Variants in FBXL20 observed in about 807,000 individuals in gnomAD.
FBXL20 encodes F-box and leucine rich repeat protein 20.
In FBXL20, 11 loss-of-function variants were observed where a neutral mutation model predicts 64.0. That is an observed-to-expected ratio of 0.17 (90% CI 0.11 to 0.28). The LOEUF (loss-of-function observed/expected upper bound fraction) is 0.28, where lower values mean the gene tolerates loss of function less well. FBXL20 is among the 10% of genes least tolerant of loss of function. The pLI is 1.00. For missense variants in FBXL20, 303 were observed against 526.2 expected (o/e 0.58, Z 4.15); for synonymous variants, 184 against 189.0 (o/e 0.97, Z 0.22).
chr17:39,297,760 G>A (rs2047099235), intron 5 of FBXL20, among the ~76,000 whole-genome samples: 1 of 152,036 alleles, frequency 6.6e-6, no homozygotes, highest in South Asian at 2.1e-4. Flanking sequence ...TTTTGAGATG[G>A]AATCTCTCTC....
intron 2 of FBXL20, among the ~76,000 whole-genome samples, chr17:39,320,739 T>C (rs1210805535): frequency 6.6e-6 from 1 of 151,962 alleles, no homozygotes; most frequent in Non-Finnish European, 1.5e-5. Context: ...GGACTACAGG[T>C]AAATACAACC....
intron 2 of FBXL20, among the ~76,000 whole-genome samples, chr17:39,313,222 T>C (rs939066547): frequency 2.1e-5 from 3 of 140,668 alleles, no homozygotes; most frequent in Non-Finnish European, 4.6e-5. Flanking sequence ...CGGCCATCTT[T>C]TTGTTTTTTT....
At chr17:39,309,822 A>G (rs2144479940) in intron 2 of FBXL20, among the ~76,000 whole-genome samples, 1 of 151,422 alleles carries the variant, frequency 6.6e-6, no homozygotes, top group African/African-American at 2.4e-5. Flanking sequence ...AAAAATAAAG[A>G]AAAGAGAAAG....
intron 14 of FBXL20, 125 bp from the exon 15 acceptor site, chr17:39,261,692 T>G (rs764101010): frequency 1.5e-6 from 1 of 677,040 alleles, no homozygotes; most frequent in Non-Finnish European, 2.5e-6. Flanking sequence ...TGAGCACTGG[T>G]CAGGATGTTA....
intron 1 of FBXL20, among the ~76,000 whole-genome samples, chr17:39,367,185 TC>T (rs2047868873): frequency 6.6e-6 from 1 of 151,840 alleles, no homozygotes; most frequent in Non-Finnish European, 1.5e-5. Flanking sequence ...GCCCAGCCTA[TC>T]AGTCCTTTCA....
intron 2 of FBXL20, among the ~76,000 whole-genome samples, chr17:39,311,559 T>A (rs1007437315): frequency 6.6e-6 from 1 of 151,678 alleles, no homozygotes; most frequent in African/African-American, 2.4e-5. Context: ...AAATTTTCTA[T>A]CTTCTTCAAT....
At chr17:39,299,928 C>A (rs541608886) in intron 4 of FBXL20, among the ~76,000 whole-genome samples, 1 of 152,078 alleles carries the variant, frequency 6.6e-6, no homozygotes, top group Non-Finnish European at 1.5e-5. Context: ...GAAACCCAAT[C>A]TCTACTAAAA....
At chr17:39,392,402 C>CG (rs1214842955) in intron 1 of FBXL20, among the ~76,000 whole-genome samples, 1 of 144,432 alleles carries the variant, frequency 6.9e-6, no homozygotes, top group East Asian at 2.0e-4. Flanking sequence ...ATCACACCAC[C>CG]GAATCCCAGC....
chr17:39,366,197 T>C (rs1030318734), intron 1 of FBXL20, among the ~76,000 whole-genome samples: 1 of 152,158 alleles, frequency 6.6e-6, no homozygotes, highest in Non-Finnish European at 1.5e-5. Context: ...CGTGTGAATA[T>C]TTAGTATTTA....
intron 9 of FBXL20, 104 bp downstream of exon 9, chr17:39,281,285 G>T: frequency 9.7e-7 from 1 of 1,034,066 alleles, no homozygotes; most frequent in Non-Finnish European, 1.5e-6. Flanking sequence ...GGTTGTGGTA[G>T]AAAAACAATA....
At chr17:39,396,056 AT>A (rs1241097603) in intron 1 of FBXL20, among the ~76,000 whole-genome samples, 1 of 128,490 alleles carries the variant, frequency 7.8e-6, no homozygotes. Context: ...TGTTTCATGT[AT>A]TAAAAGACTT....
intron 1 of FBXL20, among the ~76,000 whole-genome samples, chr17:39,376,066 C>T (rs1202506790): frequency 6.6e-6 from 1 of 152,108 alleles, no homozygotes; most frequent in East Asian, 1.9e-4. Context: ...TTGCAATGAG[C>T]CGTGATTGCA....
chr17:39,314,332 T>A (rs2047264455), intron 2 of FBXL20, among the ~76,000 whole-genome samples: 1 of 152,180 alleles, frequency 6.6e-6, no homozygotes, highest in Non-Finnish European at 1.5e-5. Flanking sequence ...TGGGTTATTT[T>A]AACTTTTTGG....
intron 3 of FBXL20, among the ~76,000 whole-genome samples, chr17:39,301,610 C>A (rs2047136067): frequency 6.6e-6 from 1 of 152,166 alleles, no homozygotes; most frequent in African/African-American, 2.4e-5. Context: ...TGCCTGTAAT[C>A]TCAGCTACTC....
At chr17:39,364,578 C>G (rs2047840172) in intron 1 of FBXL20, among the ~76,000 whole-genome samples, 1 of 152,058 alleles carries the variant, frequency 6.6e-6, no homozygotes, top group Non-Finnish European at 1.5e-5. Context: ...CCACTGCACT[C>G]CAGCCTGGGA....
intron 1 of FBXL20, among the ~76,000 whole-genome samples, chr17:39,391,547 A>C (rs8077629): frequency 0.061 from 9,201 of 151,672 alleles, 817 homozygotes; most frequent in African/African-American, 0.2. Context: ...AATACACACA[A>C]AAAAAAACAC....
At position 39,384,678 on chromosome 17, in the gene FBXL20, C is replaced by T. The variant is rs565935492; in HGVS notation, c.42+16683G>A. ...ATAGAAATAGATTACATAATTTGGC[C>T]GGGCACGGTGGCTCACGCCTATAAT... On this transcript the variant is annotated intron_variant, in intron 1 of 14. Coordinates refer to ENST00000264658, the MANE Select transcript of FBXL20 (RefSeq NM_032875.3). 1.6e-4 allele frequency among the ~76,000 whole-genome samples: 24 copies of T among 152,038 alleles called. No individual in the cohort carries two copies. In the South Asian group the frequency reaches 5.0e-3, roughly 31 times the overall value.
At chr17:39,337,707 C>G (rs1331678594) in intron 2 of FBXL20, among the ~76,000 whole-genome samples, 3 of 151,770 alleles carry the variant, frequency 2.0e-5, no homozygotes, top group Non-Finnish European at 1.5e-5. Flanking sequence ...CCCCTCCGCC[C>G]GGCAGTTGCC....
chr17:39,326,620 T>TA (rs955756542), intron 2 of FBXL20, among the ~76,000 whole-genome samples: 2 of 151,040 alleles, frequency 1.3e-5, no homozygotes, highest in Admixed American at 1.3e-4. Context: ...AGACCCTATT[T>TA]AAAAAAAATT....
Sources: allele counts gnomAD v4.1 joint callset (sites outside exome capture counted in the v4.1 genomes callset), GRCh38; gene constraint gnomAD v4.1.1; transcripts MANE v1.5; gene names NCBI Gene and HGNC (gene_info 2026-07-23, HGNC 2026-07-21).